Variants in GLIS1 observed in about 807,000 individuals in gnomAD.
GLIS1 encodes the protein zinc finger protein GLIS1.
Under a neutral mutation model 63.8 loss-of-function variants are expected in GLIS1, and 24 were observed. That is an observed-to-expected ratio of 0.38 (90% CI 0.27 to 0.53). GLIS1 has a LOEUF of 0.53. GLIS1 is among the 20% of genes least tolerant of loss of function. The pLI is 0.85. For missense variants in GLIS1, 1,036 were observed against 1,074.1 expected, an observed-to-expected ratio of 0.96 and a Z score of 0.50; for synonymous variants, 450 against 482.5, an observed-to-expected ratio of 0.93 and a Z score of 0.88.
At chr1:53,672,582 G>C (rs1021359532) in intron 2 of GLIS1, among the ~76,000 whole-genome samples, 2 of 152,130 alleles carry the variant, frequency 1.3e-5, no homozygotes, top group African/African-American at 4.8e-5. Flanking sequence ...GTGAGTCTTG[G>C]AGCAGTCTCT....
rs11588040 is a variant in GLIS1 at position 53,709,407 on chromosome 1, T to C, written c.259+28399A>G. On this transcript the variant is annotated intron_variant, in intron 2 of 10. Coordinates refer to ENST00000628545, the MANE Select transcript of GLIS1 (RefSeq NM_001367484.1). The stretch of plus-strand genomic sequence containing the variant: ...ATACATATATATACATATACATATA[T>C]ATATACACACACACACACACACACA... Among the ~76,000 whole-genome samples the C allele has an allele frequency of 4.5e-3, 148 of 32,540 alleles. 1 individual carries two copies. Among genetic ancestry groups the C allele is most frequent in the African/African-American group, 0.016 (141 of 8,664 alleles). The allele number at this position is 32,540 out of a possible 152,430, so 21.3% of individuals were successfully genotyped here. A position where few individuals can be genotyped will look rare whatever the true frequency, so the allele number is the denominator to read the frequency against.
At chr1:53,696,579 A>G (rs948406036) in intron 2 of GLIS1, among the ~76,000 whole-genome samples, 2 of 152,036 alleles carry the variant, frequency 1.3e-5, no homozygotes, top group Admixed American at 1.3e-4. Flanking sequence ...CCCTCTACCT[A>G]CAGGAAAATA....
chr1:53,530,055 T>G (rs1644513825), intron 4 of GLIS1, 103 bp from the exon 5 acceptor site: 2 of 1,060,392 alleles, frequency 1.9e-6, no homozygotes, highest in South Asian at 3.2e-5. Context: ...CCCCTGCCCC[T>G]CCCATCCTGC....
At chr1:53,661,799 T>C (rs1193244804) in intron 2 of GLIS1, among the ~76,000 whole-genome samples, 1 of 152,042 alleles carries the variant, frequency 6.6e-6, no homozygotes, top group African/African-American at 2.4e-5. Context: ...GACACAACAC[T>C]ACAGATCAGG....
intron 8 of GLIS1, among the ~76,000 whole-genome samples, chr1:53,510,287 A>G (rs1286994869): frequency 1.3e-5 from 2 of 152,242 alleles, no homozygotes; most frequent in Non-Finnish European, 2.9e-5. Context: ...TCCAGCTGAG[A>G]GAACTGTGTT....
At chr1:53,673,096 A>C (rs1023483542) in intron 2 of GLIS1, among the ~76,000 whole-genome samples, 3 of 152,174 alleles carry the variant, frequency 2.0e-5, no homozygotes, top group Non-Finnish European at 4.4e-5. Flanking sequence ...GCGCCAGTGG[A>C]GGTGGAAGCC....
chr1:53,692,806 C>T (rs1052256770), intron 2 of GLIS1, among the ~76,000 whole-genome samples: 1 of 152,224 alleles, frequency 6.6e-6, no homozygotes, highest in Non-Finnish European at 1.5e-5. Context: ...TGGAACCCCA[C>T]GCTTGCCCAA....
chr1:53,614,117 G>T (rs1645453994), intron 2 of GLIS1, among the ~76,000 whole-genome samples: 1 of 152,124 alleles, frequency 6.6e-6, no homozygotes. Flanking sequence ...TATATGCCAG[G>T]ACCAGGCACC....
At chr1:53,663,386 C>A (rs954711820) in intron 2 of GLIS1, among the ~76,000 whole-genome samples, 1 of 152,232 alleles carries the variant, frequency 6.6e-6, no homozygotes, top group African/African-American at 2.4e-5. Context: ...GGGCCACAGA[C>A]GGCAAGCGAA....
chr1:53,597,177 A>T (rs1236272050), intron 3 of GLIS1, among the ~76,000 whole-genome samples: 26 of 7,850 alleles, frequency 3.3e-3, no homozygotes, highest in Non-Finnish European at 5.5e-3. Context: ...TGTCTCTACT[A>T]AAAAAAAAAA....
At chr1:53,658,310 A>C (rs540310635) in intron 2 of GLIS1, among the ~76,000 whole-genome samples, 1 of 152,302 alleles carries the variant, frequency 6.6e-6, no homozygotes, top group Admixed American at 6.5e-5. Flanking sequence ...CTAGTCTGGG[A>C]AGCAGCTTGA....
At chr1:53,629,152 C>T (rs2100234811) in intron 2 of GLIS1, among the ~76,000 whole-genome samples, 1 of 152,232 alleles carries the variant, frequency 6.6e-6, no homozygotes, top group Non-Finnish European at 1.5e-5. Flanking sequence ...CAGCTATCTA[C>T]CCTTACCGTG....
chr1:53,519,927 C>T (rs1644389579), intron 7 of GLIS1, among the ~76,000 whole-genome samples: 1 of 152,218 alleles, frequency 6.6e-6, no homozygotes, highest in African/African-American at 2.4e-5. Flanking sequence ...TGGGCCATCA[C>T]CAAGGGCACC....
At chr1:53,641,143 G>T (rs141578306) in intron 2 of GLIS1, among the ~76,000 whole-genome samples, 1 of 152,242 alleles carries the variant, frequency 6.6e-6, no homozygotes, top group Non-Finnish European at 1.5e-5. Context: ...CAGGGTCTGC[G>T]GTGTTGACTC....
chr1:53,569,337 G>C (rs191701654), intron 4 of GLIS1, among the ~76,000 whole-genome samples: 2 of 152,186 alleles, frequency 1.3e-5, no homozygotes, highest in South Asian at 4.1e-4. Flanking sequence ...TTCGTTGATC[G>C]TAACAAATGC....
intron 2 of GLIS1, among the ~76,000 whole-genome samples, chr1:53,728,779 C>T (rs1402597199): frequency 6.6e-6 from 1 of 152,204 alleles, no homozygotes; most frequent in Non-Finnish European, 1.5e-5. Flanking sequence ...TCTAAGGCCG[C>T]ATAAGGAAAA....
intron 2 of GLIS1, among the ~76,000 whole-genome samples, chr1:53,630,861 T>C (rs1251710952): frequency 2.0e-5 from 3 of 152,262 alleles, no homozygotes; most frequent in Non-Finnish European, 4.4e-5. Context: ...TCTCTGCTAA[T>C]GTGCAAGACT....
chr1:53,661,476 C>T (rs535092876), intron 2 of GLIS1, among the ~76,000 whole-genome samples: 28 of 152,292 alleles, frequency 1.8e-4, no homozygotes, highest in African/African-American at 5.8e-4. Context: ...CCCCCAACAT[C>T]GAAAACTCCC....
chr1:53,526,633 G>C lies in GLIS1; in HGVS notation c.1483-1746C>G, dbSNP rs939553485. On this transcript the variant is annotated intron_variant, in intron 5 of 10. Coordinates refer to ENST00000628545, the MANE Select transcript of GLIS1 (RefSeq NM_001367484.1). The surrounding 1 kb of genome is among the most constrained non-coding windows in gnomAD (Gnocchi z 4.4). ...CACACGTGCGTTCACATGTGCCCAG[G>C]CACACACACGGCCCTGCCCTGTCCC... Among the ~76,000 whole-genome samples the C allele has an allele frequency of 2.0e-5, 3 of 152,170 alleles. No homozygotes were observed. Among genetic ancestry groups the C allele is most frequent in the Non-Finnish European group, 4.4e-5 (3 of 68,042 alleles).
Sources: gnomAD v4.1 joint callset for allele counts (sites outside exome capture counted in the v4.1 genomes callset) on GRCh38, gnomAD v4.1.1 for gene constraint, Gnocchi (gnomAD v3.1) non-coding constraint, MANE v1.5 for transcripts, NCBI Gene and HGNC (gene_info 2026-07-23, HGNC 2026-07-21) for gene names.